TNKS2: variants seen among roughly 807,000 people sequenced by gnomAD.
The protein encoded by TNKS2 is tankyrase 2, also known as poly [ADP-ribose] polymerase tankyrase-2.
TNKS2 carries 72 observed loss-of-function variants against 137.6 expected under a neutral mutation model. The ratio of observed to expected loss-of-function variants is 0.52; its 90% CI spans 0.43 to 0.64. TNKS2 has a LOEUF of 0.64. TNKS2 is among the 30% of genes least tolerant of loss of function. TNKS2 has a pLI of 0.00. For missense variants in TNKS2, 1,049 were observed against 1,410.2 expected (o/e 0.74, Z 4.10); for synonymous variants, 516 against 512.1 (o/e 1.01, Z -0.10).
At chr10:91,836,303 G>A (rs746839764) in intron 12 of TNKS2, among the ~76,000 whole-genome samples, 9 of 151,658 alleles carry the variant, frequency 5.9e-5, no homozygotes, top group African/African-American at 1.5e-4. Flanking sequence ...ATATTCCCCC[G>A]TTTTCTTCTA....
chr10:91,834,104 G>T (rs1841917340), intron 12 of TNKS2, 80 bp downstream of exon 12: 5 of 1,201,674 alleles, frequency 4.2e-6, no homozygotes, highest in Non-Finnish European at 5.6e-6. Context: ...ATAGGTAGGA[G>T]TTGGTAATAA....
chr10:91,835,592 C>CTTTTTTT (rs35247985), intron 12 of TNKS2, among the ~76,000 whole-genome samples: 2 of 109,414 alleles, frequency 1.8e-5, no homozygotes, highest in African/African-American at 3.5e-5. Flanking sequence ...CCCGGCCTTT[C>CTTTTTTT]TTTTTTTTTT....
In TNKS2 at chr10:91,864,164, G is replaced by A. The variant is rs1842920467; in HGVS notation, c.*1165G>A. 1 of 152,618 alleles carries A rather than the reference G, an allele frequency of 6.6e-6. No homozygotes were observed. Among genetic ancestry groups the A allele is most frequent in the Admixed American group, 6.5e-5 (1 of 15,274 alleles). The allele number at this position is 152,618 out of a possible 1,614,324, so 9.5% of individuals were successfully genotyped here. On this transcript the variant is annotated 3_prime_UTR_variant, in exon 27 of 27. Coordinates refer to ENST00000371627, the MANE Select transcript of TNKS2 (RefSeq NM_025235.4). ...CTCCAGGCCTCCTGAATGGGCAAGTGCAGTGAAACAGGTGCTTCTTGCTCC... is the reference window on the plus strand; with the variant it reads ...CTCCAGGCCTCCTGAATGGGCAAGTACAGTGAAACAGGTGCTTCTTGCTCC...
chr10:91,841,777 T>C (rs1028862580), intron 15 of TNKS2, among the ~76,000 whole-genome samples: 1 of 152,140 alleles, frequency 6.6e-6, no homozygotes, highest in African/African-American at 2.4e-5. Context: ...TTATTTAGCA[T>C]TGATAAAATG....
rs968200436 is a variant in TNKS2, at chr10:91,851,127, G to A, written c.2695-89G>A. On this transcript the variant is annotated intron_variant, in intron 20 of 26. Coordinates refer to ENST00000371627, the MANE Select transcript of TNKS2 (RefSeq NM_025235.4). ...ATGTTTAAAATAATCTGGAGTAAAT[G>A]TGTGAATCTTACATATTATGAAAAC... 8 of 1,447,810 alleles carry A rather than the reference G, an allele frequency of 5.5e-6. No individual in the cohort carries two copies. In the South Asian group the frequency reaches 8.6e-5, roughly 16 times the overall value. 89.7% of individuals were successfully genotyped at this position (1,447,810 alleles called of 1,614,324 possible).
intron 21 of TNKS2, among the ~76,000 whole-genome samples, chr10:91,853,547 A>G (rs764519127): frequency 1.3e-5 from 2 of 152,180 alleles, no homozygotes; most frequent in Non-Finnish European, 2.9e-5. Flanking sequence ...TCTTCTAACA[A>G]TCTATCATGC....
At chr10:91,841,143 TTAAA>T (rs1282209185) in intron 14 of TNKS2, 136 bp from the exon 15 acceptor site, 1 of 746,070 alleles carries the variant, frequency 1.3e-6, no homozygotes, top group African/African-American at 1.8e-5. Context: ...TATTTCTGCC[TTAAA>T]TAGATTTAGG....
At chr10:91,806,929 A>G (rs1430519244) in intron 1 of TNKS2, among the ~76,000 whole-genome samples, 1 of 151,644 alleles carries the variant, frequency 6.6e-6, no homozygotes, top group Non-Finnish European at 1.5e-5. Context: ...CCTAACATCA[A>G]ATAATCTCCA....
intron 13 of TNKS2, 99 bp from the exon 14 acceptor site, chr10:91,840,462 A>G: frequency 9.1e-7 from 1 of 1,102,012 alleles, no homozygotes; most frequent in Non-Finnish European, 1.3e-6. Context: ...TGAGACAAGA[A>G]AATAAGTCAG....
chr10:91,805,831 A>C (rs1183995082), intron 1 of TNKS2, among the ~76,000 whole-genome samples: 1 of 152,164 alleles, frequency 6.6e-6, no homozygotes, highest in Non-Finnish European at 1.5e-5. Context: ...GCCTTTTTCT[A>C]AAAGCACTTC....
chr10:91,818,558 G>T (rs1844784360), intron 3 of TNKS2, among the ~76,000 whole-genome samples: 2 of 152,006 alleles, frequency 1.3e-5, no homozygotes, highest in Admixed American at 1.3e-4. Context: ...GTGTATCAAG[G>T]CCTCACTCTG....
chr10:91,841,286 C>T lies in TNKS2; in HGVS notation c.1677C>T (p.Gly559=), dbSNP rs1004990942. The T allele has an allele frequency of 6.4e-7, 1 of 1,557,880 alleles. No individual in the cohort carries two copies. Among genetic ancestry groups the T allele is most frequent in the Non-Finnish European group, 8.7e-7 (1 of 1,154,106 alleles). The change falls in exon 15 of 27, where the codon GGC becomes GGT. Residue 559 remains glycine, a synonymous_variant. Coordinates refer to ENST00000371627, the MANE Select transcript of TNKS2 (RefSeq NM_025235.4). ...TTGTTCATTTATTACTTTTCAGAGG[C>T]CTTGTACCTTTGCACAATGCATGTT... ...GADVHAKDKG[G]LVPLHNACSY...
At chr10:91,798,966 G>C in intron 1 of TNKS2, 77 bp downstream of exon 1, 1 of 1,272,876 alleles carries the variant, frequency 7.9e-7, no homozygotes, top group Non-Finnish European at 1.0e-6. Context: ...TGAAACCAGT[G>C]CTCCTCCGCC....
chr10:91,804,770 G>A (rs1589640304), intron 1 of TNKS2, among the ~76,000 whole-genome samples: 1 of 152,126 alleles, frequency 6.6e-6, no homozygotes, highest in South Asian at 2.1e-4. Flanking sequence ...GGTTGTGGGG[G>A]TGAGGCACAG....
chr10:91,833,199 G>A (rs1250142364), intron 11 of TNKS2, among the ~76,000 whole-genome samples: 2 of 152,174 alleles, frequency 1.3e-5, no homozygotes, highest in Admixed American at 6.5e-5. Flanking sequence ...GTCCCAGGCC[G>A]TCTCCACTTT....
chr10:91,819,630 T>G (rs978924735), intron 5 of TNKS2, 73 bp downstream of exon 5: 1 of 1,188,886 alleles, frequency 8.4e-7, no homozygotes. Flanking sequence ...TATCTTATGA[T>G]AAATTGAAAC....
intron 3 of TNKS2, 23 bp from the exon 4 acceptor site, chr10:91,819,246 CT>C (rs34501124): frequency 6.0e-3 from 6,490 of 1,089,418 alleles, no homozygotes; most frequent in Non-Finnish European, 7.0e-3. Context: ...AATTTCTATA[CT>C]TTTTTTTTTT....
In TNKS2 at chr10:91,844,898, T is replaced by G. The variant is rs1445636454; in HGVS notation, c.2060-21T>G. On this transcript the variant is annotated intron_variant, in intron 16 of 26. Coordinates refer to ENST00000371627, the MANE Select transcript of TNKS2 (RefSeq NM_025235.4). ...AAAAAGAAAAAACAAGTAAAGTAAT[T>G]TTACTTCTTTTCTAAATTAGCTGGT... 1.2e-5 allele frequency: 18 copies of G among 1,550,436 alleles called. 1 individual carries two copies. The highest frequency in any genetic ancestry group is 1.6e-5 in the Non-Finnish European group (18 of 1,133,562).
At chr10:91,832,455 A>C (rs563689787) in intron 11 of TNKS2, among the ~76,000 whole-genome samples, 2 of 140,298 alleles carry the variant, frequency 1.4e-5, no homozygotes, top group South Asian at 4.9e-4. Context: ...ATCCTAACAC[A>C]AAGTGGTACC....
Sources: allele counts gnomAD v4.1 joint callset (sites outside exome capture counted in the v4.1 genomes callset), GRCh38; gene constraint gnomAD v4.1.1; transcripts MANE v1.5; gene names NCBI Gene and HGNC (gene_info 2026-07-23, HGNC 2026-07-21).